The following CNTN5 variants were observed in gnomAD, a reference collection of about 807,000 sequenced individuals.
CNTN5 encodes the protein contactin-5.
CNTN5 carries 77 observed loss-of-function variants against 129.1 expected under a neutral mutation model. That is an observed-to-expected ratio of 0.60 (90% CI 0.50 to 0.72). The LOEUF is 0.72. Ranked by LOEUF, CNTN5 falls within the 30% of genes least tolerant of loss-of-function variation. CNTN5 has a pLI of 0.00. For missense variants in CNTN5, 1,478 were observed against 1,328.8 expected, an observed-to-expected ratio of 1.11 and a Z score of -1.75; for synonymous variants, 509 against 465.6, an observed-to-expected ratio of 1.09 and a Z score of -1.20.
At chr11:99,797,681 C>G (rs1945988859) in intron 3 of CNTN5, among the ~76,000 whole-genome samples, 1 of 151,996 alleles carries the variant, frequency 6.6e-6, no homozygotes, top group South Asian at 2.1e-4. Context: ...GATATTAGAT[C>G]TTCATCAGGT....
chr11:99,204,766 G>A (rs1014183124), intron 1 of CNTN5, among the ~76,000 whole-genome samples: 1 of 152,182 alleles, frequency 6.6e-6, no homozygotes, highest in Non-Finnish European at 1.5e-5. Flanking sequence ...AGAAAGCTCT[G>A]CAACAGCATG....
rs536384273 is a variant in CNTN5, at chr11:99,070,537, A to G, written c.-210+49267A>G. Among the ~76,000 whole-genome samples, 5 of 152,216 alleles carry G rather than the reference A, an allele frequency of 3.3e-5. No homozygotes were observed. In the East Asian group the frequency reaches 7.7e-4, roughly 24 times the overall value. On this transcript the variant is annotated intron_variant, in intron 1 of 24. Transcript: ENST00000524871. Reference sequence around the variant, plus strand: ...TCCATATGCATGCAGATAAAAAAAAAAAGATAGATGGACCAAGAGATAGAC... The same window carrying G: ...TCCATATGCATGCAGATAAAAAAAAGAAGATAGATGGACCAAGAGATAGAC...
intron 2 of CNTN5, among the ~76,000 whole-genome samples, chr11:99,406,868 C>T (rs1009680787): frequency 2.0e-5 from 3 of 152,124 alleles, no homozygotes; most frequent in African/African-American, 7.2e-5. Flanking sequence ...TGCCAGAATA[C>T]TGCAGATATT....
rs114418497 is a variant in CNTN5, at chr11:99,617,749, A to G, written c.55+61480A>G. Among the ~76,000 whole-genome samples the G allele has an allele frequency of 3.0e-3, 464 of 152,298 alleles. 1 individual carries two copies. The highest frequency in any genetic ancestry group is 9.7e-3 in the African/African-American group (403 of 41,570). On this transcript the variant is annotated intron_variant, in intron 3 of 24. Coordinates refer to ENST00000524871, the MANE Select transcript of CNTN5 (RefSeq NM_014361.4). ...AGACAAACCAAAAGGAAGTATGAATAAATAAATGTATAAAATGAAACCACT... is the reference window on the plus strand; with the variant it reads ...AGACAAACCAAAAGGAAGTATGAATGAATAAATGTATAAAATGAAACCACT...
chr11:99,775,997 C>T (rs943239426), intron 3 of CNTN5, among the ~76,000 whole-genome samples: 5 of 151,906 alleles, frequency 3.3e-5, no homozygotes, highest in South Asian at 4.1e-4. Flanking sequence ...ATAGTCATAT[C>T]TTTTCATAGA....
chr11:99,902,284 C>A (rs1470159303), intron 6 of CNTN5, among the ~76,000 whole-genome samples: 6 of 149,530 alleles, frequency 4.0e-5, no homozygotes, highest in African/African-American at 1.5e-4. Flanking sequence ...TTTGAAAAAT[C>A]CGAAAGAATA....
chr11:99,250,795 A>G (rs1023668302), intron 1 of CNTN5, among the ~76,000 whole-genome samples: 1 of 151,890 alleles, frequency 6.6e-6, no homozygotes, highest in Non-Finnish European at 1.5e-5. Context: ...TATCATTTAC[A>G]AGTCACTTAT....
Position 99,205,497 on chromosome 11 carries a change from G to A in CNTN5, c.-209-119849G>A, listed in dbSNP as rs115613286. 2.4e-3 allele frequency among the ~76,000 whole-genome samples: 360 copies of A among 152,222 alleles called. 3 individuals are homozygous for A. The highest frequency in any genetic ancestry group is 8.4e-3 in the African/African-American group (347 of 41,534). Reference sequence around the variant, plus strand: ...TTCTCTTCTGTTTTACTGGATCACCGTCTCAAATTACTTCCAAAGAAAATG... The same window carrying A: ...TTCTCTTCTGTTTTACTGGATCACCATCTCAAATTACTTCCAAAGAAAATG... On this transcript the variant is annotated intron_variant, in intron 1 of 24. Coordinates refer to ENST00000524871, the MANE Select transcript of CNTN5 (RefSeq NM_014361.4).
At chr11:99,111,006 T>G (rs2135381774) in intron 1 of CNTN5, among the ~76,000 whole-genome samples, 1 of 152,276 alleles carries the variant, frequency 6.6e-6, no homozygotes, top group African/African-American at 2.4e-5. Flanking sequence ...ATTGTTTTAT[T>G]CATTAGGAAA....
At chr11:99,613,615 C>T (rs1950662920) in intron 3 of CNTN5, among the ~76,000 whole-genome samples, 1 of 152,046 alleles carries the variant, frequency 6.6e-6, no homozygotes, top group Admixed American at 6.5e-5. Context: ...CGATAATATG[C>T]AGCAAAAAGA....
At chr11:99,786,509 A>G (rs746071270) in intron 3 of CNTN5, among the ~76,000 whole-genome samples, 3 of 152,196 alleles carry the variant, frequency 2.0e-5, no homozygotes, top group African/African-American at 7.2e-5. Flanking sequence ...AACTACTTTA[A>G]ATTTCATATG....
At chr11:99,679,023 AAT>A (rs991994280) in intron 3 of CNTN5, among the ~76,000 whole-genome samples, 2 of 147,168 alleles carry the variant, frequency 1.4e-5, no homozygotes, top group African/African-American at 4.9e-5. Flanking sequence ...ATTTCTTTTA[AAT>A]ATATATATAA....
intron 1 of CNTN5, among the ~76,000 whole-genome samples, chr11:99,228,510 A>C (rs1417818198): frequency 6.6e-6 from 1 of 152,136 alleles, no homozygotes; most frequent in Non-Finnish European, 1.5e-5. Flanking sequence ...TATAGAAAGG[A>C]TAAATACTCC....
At chr11:99,107,534 C>A (rs542832960) in intron 1 of CNTN5, among the ~76,000 whole-genome samples, 1 of 151,902 alleles carries the variant, frequency 6.6e-6, no homozygotes, top group East Asian at 1.9e-4. Context: ...AAACTTAATT[C>A]TTGAGTCATC....
At chr11:100,082,785 G>A (rs1015889952) in intron 13 of CNTN5, among the ~76,000 whole-genome samples, 1 of 152,136 alleles carries the variant, frequency 6.6e-6, no homozygotes, top group African/African-American at 2.4e-5. Context: ...TCTCTGAGAA[G>A]AGGATTATAG....
chr11:99,578,746 T>A (rs1305945699), intron 3 of CNTN5, among the ~76,000 whole-genome samples: 2 of 152,036 alleles, frequency 1.3e-5, no homozygotes, highest in East Asian at 3.9e-4. Flanking sequence ...GTCAGATGAG[T>A]AGGTTGCAAA....
At chr11:100,170,403 G>A (rs899268828) in intron 13 of CNTN5, among the ~76,000 whole-genome samples, 1 of 151,936 alleles carries the variant, frequency 6.6e-6, no homozygotes, top group Non-Finnish European at 1.5e-5. Flanking sequence ...TTTAGATTGG[G>A]TTATCCAAAC....
intron 6 of CNTN5, among the ~76,000 whole-genome samples, chr11:99,905,345 G>A (rs1216433511): frequency 2.0e-5 from 3 of 152,172 alleles, no homozygotes; most frequent in Non-Finnish European, 4.4e-5. Flanking sequence ...TCCAGTTTCA[G>A]TTTTCTGCAT....
At chr11:100,227,270 T>G (rs1396503089) in intron 16 of CNTN5, among the ~76,000 whole-genome samples, 3 of 152,138 alleles carry the variant, frequency 2.0e-5, no homozygotes, top group East Asian at 3.8e-4. Context: ...CCATGAGAGA[T>G]AGTCTATAAA....
Sources: gnomAD v4.1 joint callset for allele counts (sites outside exome capture counted in the v4.1 genomes callset) on GRCh38, gnomAD v4.1.1 for gene constraint, MANE v1.5 for transcripts, NCBI Gene and HGNC (gene_info 2026-07-23, HGNC 2026-07-21) for gene names.